The following PLXNB2 variants were observed in gnomAD, a reference collection of about 807,000 sequenced individuals.
PLXNB2 encodes plexin B2, also known as plexin-B2.
Under a neutral mutation model 202.6 loss-of-function variants are expected in PLXNB2, and 85 were observed. The observed-to-expected ratio is 0.42, with a 90% confidence interval of 0.35 to 0.50. PLXNB2 has a LOEUF of 0.50. Ranked by LOEUF, PLXNB2 falls within the 20% of genes least tolerant of loss-of-function variation. The pLI is 0.02. For synonymous variants in PLXNB2, 1,239 were observed against 1,137.6 expected, an observed-to-expected ratio of 1.09 and a Z score of -1.79; for missense variants, 2,063 against 2,586.2, an observed-to-expected ratio of 0.80 and a Z score of 4.39.
At position 50,281,676 on chromosome 22, in the gene PLXNB2, T is replaced by A. The variant is rs1312222476; in HGVS notation, c.3412A>T (p.Thr1138Ser). 1.3e-6 allele frequency: 2 copies of A among 1,579,914 alleles called. No homozygotes were observed. Among genetic ancestry groups the A allele is most frequent in the Admixed American group, 1.7e-5 (1 of 57,286 alleles). The change falls in exon 21 of 37, where the codon ACC becomes TCC. Residue 1138 changes from threonine (T) to serine (S), a missense_variant. Thr to Ser is a moderately conservative substitution (Grantham distance 58, BLOSUM62 1). This residue lies in a region of PLXNB2 where 760 missense variants were observed against 1,109.4 expected (regional missense o/e 0.69). Transcript: ENST00000359337. ...TCGGTCTCCGTCAGCGTCTTCATGG[T>A]GCAGCGCTCGGCACCCACGAAGGCC... Reference protein sequence around the residue: ...AEAFVGAERCTMKTLTETDLY... With the variant: ...AEAFVGAERCSMKTLTETDLY...
At chr22:50,305,778 T>C (rs2067861625) in intron 1 of PLXNB2, among the ~76,000 whole-genome samples, 1 of 152,014 alleles carries the variant, frequency 6.6e-6, no homozygotes, top group Non-Finnish European at 1.5e-5. Context: ...AGACCACCAT[T>C]GAGACTTCTC....
chr22:50,289,865 G>C lies in PLXNB2; in HGVS notation c.720C>G (p.Ala240=), dbSNP rs751670602. 1.9e-6 allele frequency: 3 copies of C among 1,613,152 alleles called. No homozygotes were observed. The African/African-American group carries it at 4.0e-5, about 22-fold the overall frequency. Residue 240 remains alanine (A), a synonymous_variant, in exon 3 of 37, where the codon GCC becomes GCG. Coordinates refer to ENST00000359337, the MANE Select transcript of PLXNB2 (RefSeq NM_012401.4). This position sits in a 1 kb window ranked among gnomAD's most constrained non-coding sequence, Gnocchi z 8.0. ...TGCGTGCCAGCAGCGTGCGGTTCCG[G>C]GCCGGGTGCTTGTCCTGCTGGTTGA... ...FVFNQQDKHP[A]RNRTLLARMC...
rs200847817 is a variant in PLXNB2 at position 50,283,416 on chromosome 22, G to A, written c.2600C>T (p.Thr867Met). ...CACCTCGACACCCCCCGTGAAAGGC[G>A]TCTCCGCAGCCTCGATCACACACAC... ...RIVCVIEAAE[T>M]PFTGGVEVDV... Residue 867 changes from threonine (T) to methionine (M), a missense_variant, in exon 16 of 37, where the codon ACG becomes ATG. Physicochemically the swap from Thr to Met is moderately conservative, Grantham distance 81. Around this residue, in one of 2 missense-constraint regions of PLXNB2, gnomAD observed 1,303 missense variants for 1,476.8 expected, o/e 0.88. Coordinates refer to ENST00000359337, the MANE Select transcript of PLXNB2 (RefSeq NM_012401.4). The A allele has an allele frequency of 3.5e-5, 56 of 1,613,028 alleles. No individual in the cohort carries two copies. In the South Asian group the frequency reaches 4.9e-4, roughly 14 times the overall value.
chr22:50,302,405 C>A (rs979800490), intron 1 of PLXNB2, among the ~76,000 whole-genome samples: 5 of 152,154 alleles, frequency 3.3e-5, no homozygotes, highest in Non-Finnish European at 5.9e-5. Flanking sequence ...CCCCTGGAGG[C>A]CAGGTCCAGC....
intron 1 of PLXNB2, among the ~76,000 whole-genome samples, chr22:50,296,604 A>AAAAAAAAAG: frequency 6.6e-6 from 1 of 151,106 alleles, no homozygotes; most frequent in African/African-American, 2.4e-5. Context: ...AAAAAAAAAA[A>AAAAAAAAAG]AAAAAAAAAG....
chr22:50,275,334 C>A lies in PLXNB2; in HGVS notation c.*370G>T, dbSNP rs1339120781. 6.6e-6 allele frequency: 3 copies of A among 457,622 alleles called. No individual in the cohort carries two copies. Among genetic ancestry groups the A allele is most frequent in the African/African-American group, 4.0e-5 (2 of 50,056 alleles). The allele number at this position is 457,622 out of a possible 1,614,324, so 28.3% of individuals were successfully genotyped here. On this transcript the variant is annotated 3_prime_UTR_variant, in exon 37 of 37. Transcript: ENST00000359337. ...TGGGGGCCACAGGCCCTCAGATCCC[C>A]CAGGGGCCCAACCTAGGGCATGGAG...
rs1264026568 is a variant in PLXNB2 at position 50,276,868 on chromosome 22, G to T, written c.5235C>A (p.Ile1745=). The change falls in exon 34 of 37, where the codon ATC becomes ATA. Residue 1745 remains isoleucine, a synonymous_variant. Coordinates refer to ENST00000359337, the MANE Select transcript of PLXNB2 (RefSeq NM_012401.4). ...CCTCCACCATCTTCTTGTAGGTGGAGATCTCCTTGGCGTACAGCAGCTTGT... is the reference window on the plus strand; with the variant it reads ...CCTCCACCATCTTCTTGTAGGTGGATATCTCCTTGGCGTACAGCAGCTTGT... The part of the protein sequence containing the change: ...PSNKLLYAKE[I]STYKKMVEDY... The T allele has an allele frequency of 1.2e-6, 2 of 1,606,420 alleles. No individual in the cohort carries two copies. The highest frequency in any genetic ancestry group is 1.7e-4 in the Middle Eastern group (1 of 6,046).
chr22:50,282,320 A>G lies in PLXNB2; in HGVS notation c.2988-7T>C, dbSNP rs1344240279. The G allele has an allele frequency of 6.3e-7, 1 of 1,588,776 alleles. No individual in the cohort carries two copies. Among genetic ancestry groups the G allele is most frequent in the African/African-American group, 1.4e-5 (1 of 73,916 alleles). On this transcript the variant is annotated splice_region_variant and splice_polypyrimidine_tract_variant and intron_variant, in intron 18 of 36. Transcript: ENST00000359337. ...GTTGATGCTGCGGCCACCACTGCGG[A>G]GGGCAGTGCCTTCGTGGGCTCGGCT...
intron 29 of PLXNB2, 27 bp from the exon 30 acceptor site, chr22:50,278,546 C>T (rs368859197): frequency 6.3e-7 from 1 of 1,589,254 alleles, no homozygotes; most frequent in Non-Finnish European, 8.6e-7. Flanking sequence ...TGAGGGTGGG[C>T]TGTGCCCCCA....
intron 2 of PLXNB2, among the ~76,000 whole-genome samples, chr22:50,293,626 G>A (rs545124596): frequency 4.6e-5 from 7 of 152,342 alleles, no homozygotes; most frequent in South Asian, 2.1e-4. Flanking sequence ...AGGGGAATGC[G>A]GGGGCAGCGC....
Position 50,284,689 on chromosome 22 carries a change from C to A in PLXNB2, c.2089-24G>T. ...CCCTGCAGACCATGCCGTCAGGACC[C>A]TGGACAGGCGGCTGTGGCACCCTGG... On this transcript the variant is annotated intron_variant, in intron 11 of 36. Coordinates refer to ENST00000359337, the MANE Select transcript of PLXNB2 (RefSeq NM_012401.4). The surrounding 1 kb of genome is among the most constrained non-coding windows in gnomAD (Gnocchi z 8.0). 1.3e-6 allele frequency: 2 copies of A among 1,588,472 alleles called. No individual in the cohort carries two copies. Among genetic ancestry groups the A allele is most frequent in the Non-Finnish European group, 1.7e-6 (2 of 1,158,080 alleles).
At chr22:50,286,314 A>C in intron 8 of PLXNB2, 27 bp from the exon 9 acceptor site, 8 of 1,559,176 alleles carry the variant, frequency 5.1e-6, no homozygotes, top group South Asian at 1.1e-5. Flanking sequence ...GGGAGGTGTC[A>C]AGGTGGCGGC....
intron 17 of PLXNB2, 76 bp downstream of exon 17, chr22:50,282,974 T>C: frequency 6.4e-7 from 1 of 1,566,492 alleles, no homozygotes; most frequent in Non-Finnish European, 8.7e-7. Context: ...TCAGGGCCAC[T>C]CAGGTCTCAG....
intron 1 of PLXNB2, 92 bp from the exon 2 acceptor site, chr22:50,294,870 A>T (rs2067145121): frequency 8.3e-6 from 5 of 601,646 alleles, no homozygotes; most frequent in Non-Finnish European, 1.0e-5. Context: ...GGCTTGGGGG[A>T]AGAAACATCC....
chr22:50,280,749 T>C lies in PLXNB2; in HGVS notation c.3988A>G (p.Ile1330Val), dbSNP rs1175630159. The part of the protein sequence containing the change: ...SNLLNSKSFL[I>V]NFIHTLENQR... ...CCGCCCGACGCCTGGCTCACATTGATGAGGAAAGACTTGCTGTTCAGCAGG... is the reference window on the plus strand; with the variant it reads ...CCGCCCGACGCCTGGCTCACATTGACGAGGAAAGACTTGCTGTTCAGCAGG... The change falls in exon 24 of 37, where the codon ATC becomes GTC. Residue 1330 changes from isoleucine to valine, a missense_variant. Transcript: ENST00000359337. The C allele has an allele frequency of 1.3e-6, 2 of 1,563,762 alleles. No homozygotes were observed. The highest frequency in any genetic ancestry group is 1.7e-6 in the Non-Finnish European group (2 of 1,143,410).
chr22:50,280,802 A>C lies in PLXNB2; in HGVS notation c.3935T>G (p.Val1312Gly). 2 of 1,604,594 alleles carry C rather than the reference A, an allele frequency of 1.2e-6. No homozygotes were observed. Among genetic ancestry groups the C allele is most frequent in the Non-Finnish European group, 1.7e-6 (2 of 1,175,322 alleles). ...LDIPEPRRPVVEQALYQFSNL... is the reference protein window; with the variant it reads ...LDIPEPRRPVGEQALYQFSNL... ...GGAGAACTGGTAGAGGGCCTGCTCC[A>C]CCACCGGCCGCCGCGGCTCAGGGAT... The change falls in exon 24 of 37, where the codon GTG becomes GGG. Residue 1312 changes from valine to glycine, a missense_variant. Coordinates refer to ENST00000359337, the MANE Select transcript of PLXNB2 (RefSeq NM_012401.4).
At position 50,288,120 on chromosome 22, in the gene PLXNB2, C is replaced by T; in HGVS notation, c.1381-83G>A. The stretch of plus-strand genomic sequence containing the variant: ...ACCCCAGATGTCCCCAGACCGCCAG[C>T]TTGACCCAGCTCTGTCCCGGGGCCT... On this transcript the variant is annotated intron_variant, in intron 5 of 36. Coordinates refer to ENST00000359337, the MANE Select transcript of PLXNB2 (RefSeq NM_012401.4). The surrounding 1 kb of genome is among the most constrained non-coding windows in gnomAD (Gnocchi z 5.0). 4 of 1,046,390 alleles carry T rather than the reference C, an allele frequency of 3.8e-6. No homozygotes were observed. Among genetic ancestry groups the T allele is most frequent in the African/African-American group, 1.6e-5 (1 of 62,864 alleles). The allele number at this position is 1,046,390 out of a possible 1,614,324, so 64.8% of individuals were successfully genotyped here.
intron 7 of PLXNB2, 150 bp from the exon 8 acceptor site, chr22:50,287,414 G>A (rs2066537408): frequency 1.0e-6 from 1 of 977,224 alleles, no homozygotes; most frequent in Admixed American, 2.9e-5. Flanking sequence ...CCTCTCTGTG[G>A]TCACCCCAGC....
rs1315470135 is a variant in PLXNB2 at position 50,285,904 on chromosome 22, G to A, written c.1987-3C>T. The A allele has an allele frequency of 1.2e-6, 2 of 1,610,742 alleles. No individual in the cohort carries two copies. Among genetic ancestry groups the A allele is most frequent in the East Asian group, 2.2e-5 (1 of 44,860 alleles). On this transcript the variant is annotated splice_polypyrimidine_tract_variant and splice_region_variant and intron_variant, in intron 10 of 36. Transcript: ENST00000359337. ...AGGAACTGGGGACAGCTGTCCTCCTGGGAGAGTAAGGCTGGTCAGGTGCTG... is the reference window on the plus strand; with the variant it reads ...AGGAACTGGGGACAGCTGTCCTCCTAGGAGAGTAAGGCTGGTCAGGTGCTG...
Sources: allele counts gnomAD v4.1 joint callset (sites outside exome capture counted in the v4.1 genomes callset), GRCh38; gene constraint gnomAD v4.1.1; regional missense constraint gnomAD v4.1.1; non-coding constraint Gnocchi (gnomAD v3.1); transcripts MANE v1.5; gene names NCBI Gene and HGNC (gene_info 2026-07-23, HGNC 2026-07-21).